PCCA: variants seen among roughly 807,000 people sequenced by gnomAD.
The protein encoded by PCCA is propionyl-CoA carboxylase alpha chain, mitochondrial.
A neutral mutation model predicts 101.3 loss-of-function variants in PCCA; 74 were observed. The observed-to-expected ratio is 0.73, with a 90% CI of 0.61 to 0.89. The LOEUF (loss-of-function observed/expected upper bound fraction) is 0.89. Ranked by LOEUF, PCCA falls within the 40% of genes least tolerant of loss-of-function variation. PCCA has a pLI of 0.00. For missense variants in PCCA, 891 were observed against 907.0 expected, an observed-to-expected ratio of 0.98 and a Z score of 0.23; for synonymous variants, 294 against 313.6, an observed-to-expected ratio of 0.94 and a Z score of 0.66.
chr13:100,500,504 C>T (rs973033639), intron 21 of PCCA, among the ~76,000 whole-genome samples: 7 of 152,146 alleles, frequency 4.6e-5, no homozygotes, highest in African/African-American at 9.7e-5. Context: ...AAAGATCAAA[C>T]GAACAGTCCC....
Position 100,102,959 on chromosome 13 carries a change from A to G in PCCA, c.182A>G (p.Lys61Arg), listed in dbSNP as rs747228561. ...TCAGTGGGATATGATCCTAATGAAA[A>G]AGTAAGTATTTAAAAGATATTCTCA... ...LGSVGYDPNE[K>R]TFDKILVANR... Residue 61 changes from lysine to arginine, a missense_variant and splice_region_variant, in exon 2 of 24, where the codon AAA (lysine) becomes AGA (arginine). Transcript: ENST00000376285. 1 of 1,577,594 alleles carries G rather than the reference A, an allele frequency of 6.3e-7. No individual in the cohort carries two copies. The highest frequency in any genetic ancestry group is 8.7e-7 in the Non-Finnish European group (1 of 1,146,888).
intron 21 of PCCA, among the ~76,000 whole-genome samples, chr13:100,505,779 A>G (rs921625106): frequency 6.6e-6 from 1 of 152,050 alleles, no homozygotes; most frequent in African/African-American, 2.4e-5. Context: ...ACGTGGGAGG[A>G]TCACTTGTGC....
Position 100,425,689 on chromosome 13 carries a change from C to T in PCCA, c.1803C>T (p.Pro601=). The change falls in exon 20 of 24, where the codon CCC becomes CCT. Residue 601 remains proline (P), a synonymous_variant. Coordinates refer to ENST00000376285, the MANE Select transcript of PCCA (RefSeq NM_000282.4). The stretch of plus-strand genomic sequence containing the variant: ...CCAGCACGTGGAACCTGGCTTCGCC[C>T]TTATTGTCTGTCAGCGTTGATGGCA... ...NVTSTWNLAS[P]LLSVSVDGTQ... is the part of the protein sequence containing the mutation. The T allele has an allele frequency of 1.2e-6, 2 of 1,614,122 alleles. No individual in the cohort carries two copies. Among genetic ancestry groups the T allele is most frequent in the Non-Finnish European group, 1.7e-6 (2 of 1,179,954 alleles).
chr13:100,209,081 C>G (rs1337118131), intron 6 of PCCA, among the ~76,000 whole-genome samples: 2 of 152,052 alleles, frequency 1.3e-5, no homozygotes, highest in Non-Finnish European at 2.9e-5. Context: ...GTGACTTTTC[C>G]GAGGCACACT....
At chr13:100,170,512 C>G (rs377009309) in intron 6 of PCCA, among the ~76,000 whole-genome samples, 24 of 152,354 alleles carry the variant, frequency 1.6e-4, no homozygotes, top group South Asian at 1.4e-3. Flanking sequence ...ACCATTTTGA[C>G]TCATAATATG....
chr13:100,408,438 AGTCAC>A, intron 19 of PCCA, among the ~76,000 whole-genome samples: 2 of 152,328 alleles, frequency 1.3e-5, no homozygotes, highest in Middle Eastern at 3.4e-3. Context: ...CAATGATTAA[AGTCAC>A]GTGAACTGAA....
intron 4 of PCCA, among the ~76,000 whole-genome samples, chr13:100,147,228 G>T (rs779688877): frequency 3.3e-4 from 50 of 152,288 alleles, no homozygotes; most frequent in Non-Finnish European, 6.0e-4. Flanking sequence ...ACGGGGCAGG[G>T]AATAATGGTT....
At chr13:100,367,976 TA>T (rs942843014) in intron 18 of PCCA, among the ~76,000 whole-genome samples, 2 of 151,764 alleles carry the variant, frequency 1.3e-5, no homozygotes, top group African/African-American at 2.4e-5. Context: ...TAATAATAAT[TA>T]AAAAAAATTA....
At chr13:100,234,824 C>A (rs910440312) in intron 7 of PCCA, among the ~76,000 whole-genome samples, 5 of 151,764 alleles carry the variant, frequency 3.3e-5, no homozygotes, top group Admixed American at 1.3e-4. Context: ...GTCACACTTA[C>A]CAGCTGTGGT....
At chr13:100,356,333 A>G (rs1383162315) in intron 18 of PCCA, among the ~76,000 whole-genome samples, 2 of 152,110 alleles carry the variant, frequency 1.3e-5, no homozygotes, top group Admixed American at 1.3e-4. Context: ...ATCCCTCAAA[A>G]TGGGAGACAA....
intron 4 of PCCA, among the ~76,000 whole-genome samples, chr13:100,122,691 T>G: frequency 6.6e-6 from 1 of 152,212 alleles, no homozygotes; most frequent in East Asian, 1.9e-4. Flanking sequence ...GAGCCTTCCC[T>G]TTTTTCTTGG....
intron 19 of PCCA, among the ~76,000 whole-genome samples, chr13:100,424,719 G>C (rs1357707537): frequency 6.6e-6 from 1 of 152,180 alleles, no homozygotes; most frequent in Non-Finnish European, 1.5e-5. Flanking sequence ...TGAAGTCTCT[G>C]ATAATCTGAT....
At chr13:100,428,747 AATG>A (rs1415429248) in intron 20 of PCCA, among the ~76,000 whole-genome samples, 1 of 152,072 alleles carries the variant, frequency 6.6e-6, no homozygotes, top group African/African-American at 2.4e-5. Flanking sequence ...GCCCCCAGGT[AATG>A]CTGCTGGTCT....
intron 4 of PCCA, among the ~76,000 whole-genome samples, chr13:100,124,754 A>G: frequency 1.3e-5 from 2 of 152,238 alleles, no homozygotes; most frequent in Middle Eastern, 6.8e-3. Context: ...ACTTTTCAAC[A>G]TTTTATGGGA....
At chr13:100,320,984 A>G (rs2067970062) in intron 16 of PCCA, among the ~76,000 whole-genome samples, 1 of 152,136 alleles carries the variant, frequency 6.6e-6, no homozygotes, top group Non-Finnish European at 1.5e-5. Context: ...GGCCTCAAGC[A>G]GTCCTCCTCC....
chr13:100,428,360 C>T (rs1275415140), intron 20 of PCCA, among the ~76,000 whole-genome samples: 1 of 145,852 alleles, frequency 6.9e-6, no homozygotes, highest in South Asian at 2.3e-4. Flanking sequence ...CCACCCCCCC[C>T]ACACCCTCAG....
intron 8 of PCCA, among the ~76,000 whole-genome samples, chr13:100,255,830 T>C (rs1392747226): frequency 6.6e-6 from 1 of 152,202 alleles, no homozygotes; most frequent in African/African-American, 2.4e-5. Flanking sequence ...CAATCTTCTA[T>C]GCTTTGTCCC....
intron 19 of PCCA, among the ~76,000 whole-genome samples, chr13:100,391,499 C>T (rs1446024048): frequency 1.3e-5 from 2 of 152,082 alleles, no homozygotes; most frequent in Non-Finnish European, 2.9e-5. Context: ...CATTTGAAGT[C>T]GTGGAGCAGG....
intron 21 of PCCA, among the ~76,000 whole-genome samples, chr13:100,457,903 A>G (rs544187182): frequency 4.9e-4 from 74 of 152,234 alleles, no homozygotes; most frequent in African/African-American, 1.7e-3. Context: ...TGTCAGCATG[A>G]GTTCCTTCTG....
Sources: allele counts gnomAD v4.1 joint callset (sites outside exome capture counted in the v4.1 genomes callset), GRCh38; gene constraint gnomAD v4.1.1; transcripts MANE v1.5; gene names NCBI Gene and HGNC (gene_info 2026-07-23, HGNC 2026-07-21).